The following EFL1 variants were observed in gnomAD, a reference collection of about 807,000 sequenced individuals.
The protein encoded by EFL1 is elongation factor-like GTPase 1.
EFL1 carries 76 observed loss-of-function variants against 126.7 expected under a neutral mutation model. The ratio of observed to expected loss-of-function variants is 0.60; its 90% CI spans 0.50 to 0.73. The LOEUF (loss-of-function observed/expected upper bound fraction) is 0.73. Among genes scored for constraint, EFL1 ranks in the 30% least tolerant of loss-of-function variants. The pLI is 0.00. For missense variants in EFL1, 1,128 were observed against 1,343.2 expected (o/e 0.84, Z 2.50); for synonymous variants, 410 against 448.4 (o/e 0.91, Z 1.08).
At chr15:82,182,396 T>A (rs1047924421) in intron 15 of EFL1, among the ~76,000 whole-genome samples, 4 of 152,206 alleles carry the variant, frequency 2.6e-5, no homozygotes, top group Non-Finnish European at 5.9e-5. Context: ...GCTAACTCAA[T>A]CTTAGGTTTT....
intron 15 of EFL1, among the ~76,000 whole-genome samples, chr15:82,195,817 A>G (rs896021344): frequency 2.5e-4 from 38 of 152,156 alleles, no homozygotes; most frequent in Non-Finnish European, 4.6e-4. Context: ...CAGGCTCAAC[A>G]TCAGAGATAT....
intron 15 of EFL1, among the ~76,000 whole-genome samples, chr15:82,175,860 A>G (rs1257016781): frequency 6.6e-6 from 1 of 152,234 alleles, no homozygotes; most frequent in Non-Finnish European, 1.5e-5. Context: ...AAAGTAGAAT[A>G]TGTAATTCAA....
In EFL1 at chr15:82,262,696, G is replaced by A. The variant is rs765844857; in HGVS notation, c.-102C>T. On this transcript the variant is annotated 5_prime_UTR_variant, in exon 1 of 20. Coordinates refer to ENST00000268206, the MANE Select transcript of EFL1 (RefSeq NM_024580.6). ...GCTTCCGAAAGTCCGAGAGCTCTGC[G>A]GGTCCGACACGCCCGCGCGCCAGGG... The A allele has an allele frequency of 1.6e-4, 100 of 626,894 alleles. No homozygotes were observed. The highest frequency in any genetic ancestry group is 1.9e-4 in the Non-Finnish European group (71 of 376,920). The allele number at this position is 626,894 out of a possible 1,614,324, so 38.8% of individuals were successfully genotyped here. A position where few individuals can be genotyped will look rare whatever the true frequency, so the allele number is the denominator to read the frequency against.
chr15:82,144,260 A>AT (rs2073819525), intron 18 of EFL1, among the ~76,000 whole-genome samples: 1 of 70,488 alleles, frequency 1.4e-5, no homozygotes, highest in South Asian at 3.4e-4. Context: ...TGTCTCCAAA[A>AT]CAAAAAAAAA....
intron 12 of EFL1, among the ~76,000 whole-genome samples, 162 bp downstream of exon 12, chr15:82,225,003 T>C (rs2074747058): frequency 6.6e-6 from 1 of 152,238 alleles, no homozygotes; most frequent in Non-Finnish European, 1.5e-5. Flanking sequence ...CAAAAGGATA[T>C]ACTACTGTAT....
intron 14 of EFL1, 58 bp from the exon 15 acceptor site, chr15:82,214,913 T>A (rs2074629854): frequency 6.5e-7 from 1 of 1,549,850 alleles, no homozygotes; most frequent in African/African-American, 1.4e-5. Flanking sequence ...CATTAATTGG[T>A]ATTTGTAAAG....
intron 15 of EFL1, 110 bp from the exon 16 acceptor site, chr15:82,164,094 C>T: frequency 7.5e-7 from 1 of 1,339,936 alleles, no homozygotes; most frequent in Non-Finnish European, 1.0e-6. Context: ...CAAATGCTTC[C>T]AAAATGTTGC....
At position 82,259,099 on chromosome 15, in the gene EFL1, G is replaced by C. The variant is rs1264595307; in HGVS notation, c.148C>G (p.Leu50Val). The C allele has an allele frequency of 6.2e-7, 1 of 1,613,934 alleles. No homozygotes were observed. The highest frequency in any genetic ancestry group is 8.5e-7 in the Non-Finnish European group (1 of 1,179,930). ...ISSNGIISSR[L>V]AGKLRYMDSR... Reference sequence around the variant, plus strand: ...AAATAATAACATACCTTGCCTGCTAGGCGGCTGGAGATGATTCCATTGCTA... The same window carrying C: ...AAATAATAACATACCTTGCCTGCTACGCGGCTGGAGATGATTCCATTGCTA... Residue 50 changes from leucine (L) to valine (V), a missense_variant, in exon 3 of 20, where the codon CTA (leucine) becomes GTA (valine). This residue lies in a region of EFL1 where 118 missense variants were observed against 188.1 expected (regional missense o/e 0.63). Transcript: ENST00000268206.
chr15:82,232,336 C>T (rs375916844), intron 7 of EFL1, among the ~76,000 whole-genome samples: 108 of 152,286 alleles, frequency 7.1e-4, no homozygotes, highest in African/African-American at 2.6e-3. Flanking sequence ...AAACCTGTGA[C>T]ATTTTCTTTC....
rs748811447 is a variant in EFL1, at chr15:82,261,794, G to C, written c.-16C>G. On this transcript the variant is annotated 5_prime_UTR_variant, in exon 2 of 20. Coordinates refer to ENST00000268206, the MANE Select transcript of EFL1 (RefSeq NM_024580.6). Reference sequence around the variant, plus strand: ...TGAGCACCATGATTACTTATTTCCTGTGACTAAAAATTAAATATGTATTAC... The same window carrying C: ...TGAGCACCATGATTACTTATTTCCTCTGACTAAAAATTAAATATGTATTAC... The C allele has an allele frequency of 3.2e-5, 51 of 1,609,312 alleles. 2 individuals carry two copies. The South Asian group carries it at 5.7e-4, about 18-fold the overall frequency.
rs1333494830 is a variant in EFL1, at chr15:82,256,573, G to A, written c.159+2515C>T. Among the ~76,000 whole-genome samples, 3 of 152,172 alleles carry A rather than the reference G, an allele frequency of 2.0e-5. No individual in the cohort carries two copies. The East Asian group carries it at 5.8e-4, about 29-fold the overall frequency. On this transcript the variant is annotated intron_variant, in intron 3 of 19. Coordinates refer to ENST00000268206, the MANE Select transcript of EFL1 (RefSeq NM_024580.6). ...CCATTCTTGCCTTATTCCTGGCTAT[G>A]AATAGAGAAGTTTTAACACTTCATC...
chr15:82,207,990 G>C (rs1241348808), intron 15 of EFL1, among the ~76,000 whole-genome samples: 2 of 152,068 alleles, frequency 1.3e-5, no homozygotes, highest in Non-Finnish European at 1.5e-5. Context: ...CAAAGTGCTG[G>C]GATTACAGGC....
intron 4 of EFL1, among the ~76,000 whole-genome samples, chr15:82,248,460 GC>G (rs2074993021): frequency 6.6e-6 from 1 of 152,110 alleles, no homozygotes; most frequent in South Asian, 2.1e-4. Flanking sequence ...TGTCTCCATG[GC>G]CTAGTCTTCG....
At chr15:82,150,508 GTTATT>G (rs2073895831) in intron 18 of EFL1, among the ~76,000 whole-genome samples, 1 of 152,058 alleles carries the variant, frequency 6.6e-6, no homozygotes, top group African/African-American at 2.4e-5. Context: ...AAAAAATTGT[GTTATT>G]TTAATCTTCA....
chr15:82,224,035 C>G (rs1468754350), intron 12 of EFL1, among the ~76,000 whole-genome samples: 2 of 152,148 alleles, frequency 1.3e-5, no homozygotes, highest in African/African-American at 4.8e-5. Flanking sequence ...GGAAAAGAAG[C>G]CTTCTCAGAT....
chr15:82,250,203 C>A (rs185801521), intron 4 of EFL1, among the ~76,000 whole-genome samples: 8,663 of 134,534 alleles, frequency 0.064, 478 homozygotes, highest in African/African-American at 0.13. Flanking sequence ...AAAAACATAT[C>A]TCATCTCTCA....
chr15:82,202,769 G>C (rs745758524), intron 15 of EFL1, among the ~76,000 whole-genome samples: 7 of 151,576 alleles, frequency 4.6e-5, no homozygotes, highest in Middle Eastern at 3.2e-3. Context: ...AATTCTACAA[G>C]ACACCACCAG....
intron 18 of EFL1, among the ~76,000 whole-genome samples, chr15:82,141,603 G>A (rs1184233884): frequency 6.6e-6 from 1 of 151,640 alleles, no homozygotes; most frequent in Admixed American, 6.6e-5. Context: ...GAACTTGGGA[G>A]GTGGAGATTG....
chr15:82,179,261 G>C (rs1276060902), intron 15 of EFL1, among the ~76,000 whole-genome samples: 1 of 152,174 alleles, frequency 6.6e-6, no homozygotes, highest in Non-Finnish European at 1.5e-5. Flanking sequence ...GGGAGATATG[G>C]AAGCAGTCAG....
Sources: gnomAD v4.1 joint callset for allele counts (sites outside exome capture counted in the v4.1 genomes callset) on GRCh38, gnomAD v4.1.1 for gene constraint, gnomAD v4.1.1 regional missense constraint, MANE v1.5 for transcripts, NCBI Gene and HGNC (gene_info 2026-07-23, HGNC 2026-07-21) for gene names.